CUL2: variants seen among roughly 807,000 people sequenced by gnomAD.
The protein encoded by CUL2 is cullin-2.
A neutral mutation model predicts 110.2 loss-of-function variants in CUL2; 22 were observed. The ratio of observed to expected loss-of-function variants is 0.20; its 90% CI spans 0.14 to 0.28. CUL2 has a LOEUF of 0.28. Ranked by LOEUF, CUL2 falls within the 10% of genes least tolerant of loss-of-function variation. The pLI, the probability that CUL2 is intolerant of heterozygous loss-of-function variation, is 1.00. For missense variants in CUL2, 631 were observed against 905.5 expected, an observed-to-expected ratio of 0.70 and a Z score of 3.89; for synonymous variants, 279 against 293.2, an observed-to-expected ratio of 0.95 and a Z score of 0.49.
Position 35,010,027 on chromosome 10 carries a change from G to T in CUL2, c.*284C>A. The T allele has an allele frequency of 5.6e-6, 1 of 180,036 alleles. No homozygotes were observed. Among genetic ancestry groups the T allele is most frequent in the Non-Finnish European group, 1.1e-5 (1 of 88,156 alleles). The allele number at this position is 180,036 out of a possible 1,614,324, so 11.2% of individuals were successfully genotyped here. A position where few individuals can be genotyped will look rare whatever the true frequency, so the allele number is the denominator to read the frequency against. ...AAAAAGACACATCAACTGCAAACGT[G>T]AAGGGGAGAAAAAGCATGGTACCCA... On this transcript the variant is annotated 3_prime_UTR_variant, in exon 21 of 21. Coordinates refer to ENST00000374749, the MANE Select transcript of CUL2 (RefSeq NM_003591.4).
At chr10:35,035,375 G>T in intron 9 of CUL2, 79 bp from the exon 10 acceptor site, 1 of 1,507,806 alleles carries the variant, frequency 6.6e-7, no homozygotes. Context: ...AAGTGCAGGA[G>T]TACAATATAC....
chr10:35,068,641 T>G, intron 2 of CUL2, among the ~76,000 whole-genome samples: 1 of 152,192 alleles, frequency 6.6e-6, no homozygotes, highest in East Asian at 1.9e-4. Context: ...CTTGTCCATA[T>G]TTGTGTTATT....
intron 1 of CUL2, among the ~76,000 whole-genome samples, chr10:35,116,952 G>A (rs553627952): frequency 6.0e-5 from 8 of 133,626 alleles, no homozygotes; most frequent in South Asian, 2.5e-4. Context: ...GTGAGATTCC[G>A]TCTCAAAAAA....
intron 2 of CUL2, 96 bp from the exon 3 acceptor site, chr10:35,063,158 CT>C: frequency 1.4e-6 from 1 of 712,572 alleles, no homozygotes; most frequent in East Asian, 2.7e-5. Flanking sequence ...AAAAACATTT[CT>C]TTTTGTGGTT....
intron 11 of CUL2, 107 bp downstream of exon 11, chr10:35,033,059 C>A: frequency 4.0e-6 from 2 of 499,022 alleles, no homozygotes; most frequent in East Asian, 3.4e-5. Flanking sequence ...ATTACTTAAT[C>A]TCCATGTCTA....
chr10:35,066,813 C>A (rs1280163037), intron 2 of CUL2, among the ~76,000 whole-genome samples: 1 of 152,130 alleles, frequency 6.6e-6, no homozygotes, highest in African/African-American at 2.4e-5. Context: ...TAGATAAAAT[C>A]TTTTCCCATC....
chr10:35,059,155 C>G (rs2086318689), intron 4 of CUL2, among the ~76,000 whole-genome samples: 2 of 152,168 alleles, frequency 1.3e-5, no homozygotes, highest in Non-Finnish European at 2.9e-5. Context: ...ACAAAGGATT[C>G]AAATATTACA....
At chr10:35,123,083 A>C (rs2087697172) in intron 1 of CUL2, among the ~76,000 whole-genome samples, 1 of 152,310 alleles carries the variant, frequency 6.6e-6, no homozygotes, top group South Asian at 2.1e-4. Context: ...GACTGCAGTG[A>C]GCTGTGACGG....
chr10:35,056,768 C>T (rs1220856047), intron 4 of CUL2, among the ~76,000 whole-genome samples: 9 of 152,196 alleles, frequency 5.9e-5, no homozygotes, highest in Non-Finnish European at 7.3e-5. Context: ...CCTTCCAATA[C>T]GGAATCTGCT....
Position 35,071,685 on chromosome 10 carries a change from G to C in CUL2, c.-22-346C>G, listed in dbSNP as rs536924603. 4.6e-5 allele frequency among the ~76,000 whole-genome samples: 7 copies of C among 152,318 alleles called. No individual in the cohort carries two copies. The East Asian group carries it at 1.2e-3, about 25-fold the overall frequency. ...GGCCTCCCAAAGTGCTGGGATTACA[G>C]GCATGAACCATCACACCCGGCCAGT... On this transcript the variant is annotated intron_variant, in intron 1 of 20. Transcript: ENST00000374749.
chr10:35,109,621 C>T (rs915976857), intron 1 of CUL2, among the ~76,000 whole-genome samples: 1 of 152,164 alleles, frequency 6.6e-6, no homozygotes, highest in Admixed American at 6.5e-5. Context: ...GAGGCCAGCC[C>T]CACAAACATT....
At chr10:35,101,479 T>C (rs964581539) in intron 1 of CUL2, among the ~76,000 whole-genome samples, 4 of 152,232 alleles carry the variant, frequency 2.6e-5, no homozygotes, top group African/African-American at 9.6e-5. Context: ...GGTCCATTAT[T>C]ATTCCTGTTT....
At chr10:35,011,461 T>C (rs1379865419) in intron 20 of CUL2, among the ~76,000 whole-genome samples, 2 of 151,752 alleles carry the variant, frequency 1.3e-5, no homozygotes, top group African/African-American at 4.8e-5. Context: ...CTACGAAAAA[T>C]ACAAAAATTA....
At chr10:35,121,222 CTTTA>C (rs1277818421) in intron 1 of CUL2, among the ~76,000 whole-genome samples, 14 of 152,012 alleles carry the variant, frequency 9.2e-5, no homozygotes, top group East Asian at 5.8e-4. Flanking sequence ...GGAAGATAGG[CTTTA>C]TTTATTTATT....
intron 1 of CUL2, among the ~76,000 whole-genome samples, chr10:35,119,565 TTTATTTA>T (rs2087651825): frequency 1.2e-4 from 1 of 8,334 alleles, no homozygotes; most frequent in South Asian, 0.011. Flanking sequence ...ATTAATTTTA[TTTATTTA>T]TTTATTTATT....
chr10:35,103,774 C>G (rs1440929343), intron 1 of CUL2, among the ~76,000 whole-genome samples: 1 of 152,084 alleles, frequency 6.6e-6, no homozygotes, highest in Non-Finnish European at 1.5e-5. Flanking sequence ...AAAATGTTTT[C>G]ACCGATGCAG....
intron 1 of CUL2, among the ~76,000 whole-genome samples, chr10:35,124,813 G>A (rs1027860010): frequency 9.2e-5 from 14 of 152,276 alleles, no homozygotes; most frequent in Admixed American, 2.0e-4. Flanking sequence ...AGGAAAAAGA[G>A]GTGCTCCTCC....
intron 1 of CUL2, among the ~76,000 whole-genome samples, chr10:35,105,815 G>C (rs2087447840): frequency 8.1e-6 from 1 of 123,044 alleles, no homozygotes; most frequent in African/African-American, 3.2e-5. Flanking sequence ...TCCTGAAAGA[G>C]GCAATGTCCT....
chr10:35,043,789 G>A (rs761933439), intron 8 of CUL2, among the ~76,000 whole-genome samples: 2 of 152,036 alleles, frequency 1.3e-5, no homozygotes, highest in Non-Finnish European at 2.9e-5. Flanking sequence ...TTTCTTGGCT[G>A]GGTGCAATGG....
Sources: allele counts gnomAD v4.1 joint callset (sites outside exome capture counted in the v4.1 genomes callset), GRCh38; gene constraint gnomAD v4.1.1; transcripts MANE v1.5; gene names NCBI Gene and HGNC (gene_info 2026-07-23, HGNC 2026-07-21).